PDZRN3: variants seen among roughly 807,000 people sequenced by gnomAD.
PDZRN3 encodes E3 ubiquitin-protein ligase PDZRN3.
A neutral mutation model predicts 85.7 loss-of-function variants in PDZRN3; 38 were observed. The observed-to-expected ratio is 0.44, with a 90% confidence interval of 0.34 to 0.58. PDZRN3 has a LOEUF of 0.58. Among genes scored for constraint, PDZRN3 ranks in the 20% least tolerant of loss-of-function variants. PDZRN3 has a pLI of 0.01. For missense variants in PDZRN3, 1,629 were observed against 1,506.4 expected, an observed-to-expected ratio of 1.08 and a Z score of -1.35; for synonymous variants, 759 against 638.0, an observed-to-expected ratio of 1.19 and a Z score of -2.86.
At chr3:73,465,672 T>C (rs1213939261) in intron 3 of PDZRN3, among the ~76,000 whole-genome samples, 4 of 152,356 alleles carry the variant, frequency 2.6e-5, no homozygotes, top group Admixed American at 2.6e-4. Flanking sequence ...ATTTTCTTTC[T>C]GCAATATCTT....
rs1220805891 is a variant in PDZRN3, at chr3:73,581,151, T to C, written c.918+21203A>G. Reference sequence around the variant, plus strand: ...GCATAAGCAACATTCCTTTTGGAGTTTTCATGGAAAGAATCACCTGTGTGT... The same window carrying C: ...GCATAAGCAACATTCCTTTTGGAGTCTTCATGGAAAGAATCACCTGTGTGT... On this transcript the variant is annotated intron_variant, in intron 3 of 9. Coordinates refer to ENST00000263666, the MANE Select transcript of PDZRN3 (RefSeq NM_015009.3). Among the ~76,000 whole-genome samples, 4 of 152,354 alleles carry C rather than the reference T, an allele frequency of 2.6e-5. No homozygotes were observed. The East Asian group carries it at 7.7e-4, about 29-fold the overall frequency.
chr3:73,445,313 T>G (rs1269181252), intron 3 of PDZRN3, among the ~76,000 whole-genome samples: 1 of 152,140 alleles, frequency 6.6e-6, no homozygotes, highest in East Asian at 1.9e-4. Flanking sequence ...TGGGTGTTCG[T>G]GTCTGAAAGA....
In PDZRN3 at chr3:73,464,073, C is replaced by T. The variant is rs185969728; in HGVS notation, c.919-59678G>A. On this transcript the variant is annotated intron_variant, in intron 3 of 9. Transcript: ENST00000263666. ...CGATCTCGGCTCACTGCAACCTCTG[C>T]CTCCTGGGTTGACGGGATTCTCCTG... Among the ~76,000 whole-genome samples the T allele has an allele frequency of 4.5e-4, 68 of 152,280 alleles. No individual in the cohort carries two copies. The East Asian group carries it at 0.013, about 28-fold the overall frequency.
intron 3 of PDZRN3, among the ~76,000 whole-genome samples, chr3:73,564,881 T>A (rs944619429): frequency 1.3e-5 from 2 of 152,190 alleles, no homozygotes; most frequent in Non-Finnish European, 2.9e-5. Context: ...GGTGTAAGCA[T>A]GTTGCCCAGC....
chr3:73,576,401 T>A (rs1210763256), intron 3 of PDZRN3, among the ~76,000 whole-genome samples: 1 of 152,172 alleles, frequency 6.6e-6, no homozygotes, highest in African/African-American at 2.4e-5. Context: ...ATAATCAATC[T>A]ACGAGTCAAG....
intron 3 of PDZRN3, among the ~76,000 whole-genome samples, chr3:73,596,963 T>C (rs1702438377): frequency 1.3e-5 from 2 of 152,146 alleles, no homozygotes; most frequent in Non-Finnish European, 2.9e-5. Flanking sequence ...AATTTAGTGA[T>C]AAAGAGTAGA....
chr3:73,387,964 T>G lies in PDZRN3; in HGVS notation c.1518+4A>C. 1 of 1,455,790 alleles carries G rather than the reference T, an allele frequency of 6.9e-7. No individual in the cohort carries two copies. The highest frequency in any genetic ancestry group is 9.5e-7 in the Non-Finnish European group (1 of 1,048,488). 90.2% of individuals were successfully genotyped at this position (1,455,790 alleles called of 1,614,324 possible). A position where few individuals can be genotyped will look rare whatever the true frequency, so the allele number is the denominator to read the frequency against. On this transcript the variant is annotated splice_donor_region_variant and intron_variant, in intron 8 of 9. Coordinates refer to ENST00000263666, the MANE Select transcript of PDZRN3 (RefSeq NM_015009.3). ...CCAGTTTCATCTGTAGGAAGCCAATTTACCTGGAGTTCAGGCCTTGCAATC... is the reference window on the plus strand; with the variant it reads ...CCAGTTTCATCTGTAGGAAGCCAATGTACCTGGAGTTCAGGCCTTGCAATC...
chr3:73,568,153 A>C (rs958207530), intron 3 of PDZRN3, among the ~76,000 whole-genome samples: 2 of 152,160 alleles, frequency 1.3e-5, no homozygotes, highest in African/African-American at 2.4e-5. Context: ...ATCAAAAATA[A>C]ATGGCTTCTT....
chr3:73,544,987 A>G lies in PDZRN3; in HGVS notation c.918+57367T>C, dbSNP rs116667085. Among the ~76,000 whole-genome samples, 1,480 of 152,336 alleles carry G rather than the reference A, an allele frequency of 9.7e-3. 16 individuals are homozygous for G. The highest frequency in any genetic ancestry group is 0.039 in the South Asian group (186 of 4,816). ...TGCACACATATATACAAATAACAGC[A>G]AAACAATAGAAATGATGTAAAAGGG... On this transcript the variant is annotated intron_variant, in intron 3 of 9. Coordinates refer to ENST00000263666, the MANE Select transcript of PDZRN3 (RefSeq NM_015009.3).
rs536139434 is a variant in PDZRN3 at position 73,550,631 on chromosome 3, G to A, written c.918+51723C>T. On this transcript the variant is annotated intron_variant, in intron 3 of 9. Transcript: ENST00000263666. ...AATAACTGCAAGTAGTTACCCCAAAGCAACTTACTATTATTGATTAAATGC... is the reference window on the plus strand; with the variant it reads ...AATAACTGCAAGTAGTTACCCCAAAACAACTTACTATTATTGATTAAATGC... Among the ~76,000 whole-genome samples the A allele has an allele frequency of 2.6e-5, 4 of 152,290 alleles. No homozygotes were observed. The South Asian group carries it at 8.3e-4, about 32-fold the overall frequency.
chr3:73,418,762 GGATC>G (rs1390087667), intron 3 of PDZRN3, among the ~76,000 whole-genome samples: 3 of 152,142 alleles, frequency 2.0e-5, no homozygotes, highest in Non-Finnish European at 4.4e-5. Flanking sequence ...TCAGGACAAT[GGATC>G]ATTCATCTCC....
intron 3 of PDZRN3, among the ~76,000 whole-genome samples, chr3:73,507,938 C>A (rs1263707770): frequency 6.6e-6 from 1 of 151,998 alleles, no homozygotes; most frequent in Non-Finnish European, 1.5e-5. Context: ...ACTAAAAATA[C>A]AAAAATTAGC....
intron 3 of PDZRN3, among the ~76,000 whole-genome samples, chr3:73,494,454 G>A (rs1703830614): frequency 6.6e-6 from 1 of 152,190 alleles, no homozygotes; most frequent in Admixed American, 6.5e-5. Context: ...CTGAAAAGTT[G>A]TGTGAATAAA....
At chr3:73,439,112 G>A (rs1180349010) in intron 3 of PDZRN3, among the ~76,000 whole-genome samples, 1 of 152,156 alleles carries the variant, frequency 6.6e-6, no homozygotes, top group Non-Finnish European at 1.5e-5. Context: ...GCATCCCTCT[G>A]TTCTTCCCTG....
At chr3:73,524,898 T>C (rs1704485346) in intron 3 of PDZRN3, among the ~76,000 whole-genome samples, 1 of 151,638 alleles carries the variant, frequency 6.6e-6, no homozygotes, top group African/African-American at 2.4e-5. Flanking sequence ...CGATCTTTCA[T>C]CTTTCATATA....
At chr3:73,613,115 T>A (rs1049047668) in intron 1 of PDZRN3, among the ~76,000 whole-genome samples, 1 of 152,194 alleles carries the variant, frequency 6.6e-6, no homozygotes, top group Admixed American at 6.5e-5. Context: ...TATTCCTAAC[T>A]GTATCTATCT....
At chr3:73,574,138 G>C (rs532985464) in intron 3 of PDZRN3, among the ~76,000 whole-genome samples, 1 of 152,176 alleles carries the variant, frequency 6.6e-6, no homozygotes, top group Non-Finnish European at 1.5e-5. Flanking sequence ...ATTAATGAGG[G>C]GGCTCTCGCC....
intron 3 of PDZRN3, among the ~76,000 whole-genome samples, chr3:73,547,540 C>G (rs1199284833): frequency 6.6e-6 from 1 of 152,216 alleles, no homozygotes; most frequent in African/African-American, 2.4e-5. Context: ...AGCTCCTCCT[C>G]GAGGTTCTGG....
intron 3 of PDZRN3, among the ~76,000 whole-genome samples, chr3:73,471,980 C>T (rs559341022): frequency 2.2e-4 from 33 of 152,240 alleles, no homozygotes; most frequent in African/African-American, 7.5e-4. Context: ...TAGTGGGCTA[C>T]GGGGAAAAGA....
Sources: allele counts gnomAD v4.1 joint callset (sites outside exome capture counted in the v4.1 genomes callset), GRCh38; gene constraint gnomAD v4.1.1; transcripts MANE v1.5; gene names NCBI Gene and HGNC (gene_info 2026-07-23, HGNC 2026-07-21).